PGLYRP3: variants seen among roughly 807,000 people sequenced by gnomAD.
PGLYRP3 encodes peptidoglycan recognition protein 3.
A neutral mutation model predicts 36.0 loss-of-function variants in PGLYRP3; 39 were observed. The observed-to-expected ratio is 1.08, with a 90% confidence interval of 0.84 to 1.41. The LOEUF is 1.41. PGLYRP3 is among the 40% of genes most tolerant of loss of function. The probability of loss-of-function intolerance (pLI) is 0.00; values close to 1 mark genes in which losing one functional copy is unlikely to be tolerated. For missense variants in PGLYRP3, 407 were observed against 427.9 expected, an observed-to-expected ratio of 0.95 and a Z score of 0.43; for synonymous variants, 204 against 172.8, an observed-to-expected ratio of 1.18 and a Z score of -1.42.
chr1:153,303,195 G>T (rs1659643790), intron 5 of PGLYRP3, among the ~76,000 whole-genome samples: 1 of 152,180 alleles, frequency 6.6e-6, no homozygotes, highest in Non-Finnish European at 1.5e-5. Context: ...CTGGTTTTAG[G>T]TTGCTGCTTA....
At chr1:153,307,393 G>A in intron 2 of PGLYRP3, 126 bp from the exon 3 acceptor site, 1 of 885,834 alleles carries the variant, frequency 1.1e-6, no homozygotes. Context: ...CACCCTGGGG[G>A]AGCCCTTCAC....
intron 3 of PGLYRP3, 130 bp downstream of exon 3, chr1:153,306,936 T>G: frequency 3.3e-6 from 3 of 921,516 alleles, no homozygotes; most frequent in South Asian, 3.2e-5. Context: ...TTGATTCCCC[T>G]TTTACCATTT....
chr1:153,309,864 C>A (rs953973428), intron 2 of PGLYRP3, among the ~76,000 whole-genome samples: 1 of 152,158 alleles, frequency 6.6e-6, no homozygotes, highest in African/African-American at 2.4e-5. Context: ...AGTTAATTTC[C>A]CCATCAGGGC....
intron 7 of PGLYRP3, among the ~76,000 whole-genome samples, chr1:153,298,556 T>C (rs1483937698): frequency 6.6e-6 from 1 of 152,100 alleles, no homozygotes; most frequent in Non-Finnish European, 1.5e-5. Context: ...GGCAGGAGAA[T>C]GGCGTGAACC....
intron 1 of PGLYRP3, among the ~76,000 whole-genome samples, chr1:153,312,099 T>G (rs2101530136): frequency 6.6e-6 from 1 of 152,272 alleles, no homozygotes; most frequent in Admixed American, 6.5e-5. Flanking sequence ...TCACTGTGCT[T>G]CCACAACCAT....
chr1:153,310,283 G>A (rs1659862698), intron 2 of PGLYRP3, among the ~76,000 whole-genome samples: 1 of 152,172 alleles, frequency 6.6e-6, no homozygotes, highest in Admixed American at 6.5e-5. Context: ...AAATTACCCA[G>A]CACTAACTAC....
At chr1:153,305,675 C>A (rs1450783748) in intron 3 of PGLYRP3, among the ~76,000 whole-genome samples, 1 of 152,202 alleles carries the variant, frequency 6.6e-6, no homozygotes, top group Non-Finnish European at 1.5e-5. Flanking sequence ...CCGTATTCAT[C>A]TTTTAATAGA....
intron 2 of PGLYRP3, 130 bp from the exon 3 acceptor site, chr1:153,307,397 C>T: frequency 2.5e-6 from 2 of 812,064 alleles, no homozygotes; most frequent in Non-Finnish European, 2.0e-6. Flanking sequence ...CTGGGGGAGC[C>T]CTTCACCACC....
chr1:153,310,218 G>C (rs1162446752), intron 2 of PGLYRP3, among the ~76,000 whole-genome samples: 1 of 152,092 alleles, frequency 6.6e-6, no homozygotes, highest in East Asian at 1.9e-4. Context: ...CCAAGTGCTG[G>C]GTTTAACTAT....
Position 153,297,957 on chromosome 1 carries a change from C to T in PGLYRP3, c.1025G>A (p.Ter342=). The change falls in exon 8 of 8, where the codon TGA becomes TAA. Residue 342 remains the stop codon, a stop_retained_variant. Transcript: ENST00000683862. ...IISTWPHFKH[*] is the part of the protein sequence containing the mutation. ...GTCTCAAAGGGAGTGGGGCCTCCTT[C>T]AGTGCTTGAAATGAGGCCAGGTGCT... 1 of 1,613,696 alleles carries T rather than the reference C, an allele frequency of 6.2e-7. No individual in the cohort carries two copies. The highest frequency in any genetic ancestry group is 8.5e-7 in the Non-Finnish European group (1 of 1,179,786).
chr1:153,299,841 G>T (rs1659542135), intron 6 of PGLYRP3, among the ~76,000 whole-genome samples: 1 of 152,126 alleles, frequency 6.6e-6, no homozygotes, highest in Non-Finnish European at 1.5e-5. Flanking sequence ...AGCCCACCTG[G>T]TCACCAATCA....
chr1:153,300,829 T>TC (rs1159324625), intron 6 of PGLYRP3, among the ~76,000 whole-genome samples: 1 of 152,246 alleles, frequency 6.6e-6, no homozygotes, highest in South Asian at 2.1e-4. Context: ...TCTTTGGATA[T>TC]GCCTGTGGTT....
intron 4 of PGLYRP3, among the ~76,000 whole-genome samples, chr1:153,304,310 T>G (rs183397015): frequency 9.8e-4 from 149 of 152,306 alleles, no homozygotes; most frequent in African/African-American, 3.6e-3. Flanking sequence ...CCAAGTCAGG[T>G]GTGCACTAGC....
chr1:153,310,474 G>C lies in PGLYRP3; in HGVS notation c.55+137C>G. The C allele has an allele frequency of 1.0e-5, 9 of 859,080 alleles. No individual in the cohort carries two copies. The South Asian group carries it at 1.2e-4, about 11-fold the overall frequency. The allele number at this position is 859,080 out of a possible 1,614,324, so 53.2% of individuals were successfully genotyped here. ...ATTTGAAAAAAATCTGTAAACTCTAGAACAGGGCTCCAAATTGCAAAGCTA... is the reference window on the plus strand; with the variant it reads ...ATTTGAAAAAAATCTGTAAACTCTACAACAGGGCTCCAAATTGCAAAGCTA... On this transcript the variant is annotated intron_variant, in intron 2 of 7. Transcript: ENST00000683862.
In PGLYRP3 at chr1:153,307,047, G is replaced by T; in HGVS notation, c.257+19C>A. 5.0e-6 allele frequency: 8 copies of T among 1,611,452 alleles called. No homozygotes were observed. The highest frequency in any genetic ancestry group is 6.8e-6 in the Non-Finnish European group (8 of 1,178,258). On this transcript the variant is annotated intron_variant, in intron 3 of 7. Coordinates refer to ENST00000683862, the MANE Select transcript of PGLYRP3 (RefSeq NM_052891.3). ...CGTGACTTTGGATGTGGGCCTCAGG[G>T]ACTTGGCTAGCCTCTTACTTGTACG...
chr1:153,298,536 G>C (rs977883901), intron 7 of PGLYRP3, among the ~76,000 whole-genome samples: 1 of 152,106 alleles, frequency 6.6e-6, no homozygotes, highest in Non-Finnish European at 1.5e-5. Flanking sequence ...CCAGCTACTC[G>C]AGAGGCTGAG....
intron 1 of PGLYRP3, among the ~76,000 whole-genome samples, chr1:153,311,650 T>G (rs1269511358): frequency 1.3e-5 from 2 of 152,232 alleles, no homozygotes; most frequent in Non-Finnish European, 2.9e-5. Flanking sequence ...ACTTTAGCTG[T>G]ATGAGCTACC....
chr1:153,304,082 A>C, intron 4 of PGLYRP3, 73 bp from the exon 5 acceptor site: 1 of 1,408,628 alleles, frequency 7.1e-7, no homozygotes, highest in East Asian at 2.3e-5. Context: ...TGCAGAAAGG[A>C]TGATATGACC....
intron 6 of PGLYRP3, among the ~76,000 whole-genome samples, chr1:153,300,158 C>G (rs891131562): frequency 6.6e-6 from 1 of 152,096 alleles, no homozygotes; most frequent in African/African-American, 2.4e-5. Context: ...CTACTCACCA[C>G]TCCTCTCTTT....
Sources: gnomAD v4.1 joint callset for allele counts (sites outside exome capture counted in the v4.1 genomes callset) on GRCh38, gnomAD v4.1.1 for gene constraint, MANE v1.5 for transcripts, NCBI Gene and HGNC (gene_info 2026-07-23, HGNC 2026-07-21) for gene names.